NELFB: variants seen among roughly 807,000 people sequenced by gnomAD.
NELFB encodes negative elongation factor complex member B.
A neutral mutation model predicts 60.2 loss-of-function variants in NELFB; 34 were observed. The ratio of observed to expected loss-of-function variants is 0.56; its 90% CI spans 0.43 to 0.75. The LOEUF is 0.75. NELFB is among the 30% of genes least tolerant of loss of function. NELFB has a pLI of 0.00. For synonymous variants in NELFB, 459 were observed against 382.1 expected, an observed-to-expected ratio of 1.20 and a Z score of -2.35; for missense variants, 770 against 831.6, an observed-to-expected ratio of 0.93 and a Z score of 0.91.
chr9:137,259,289 A>T (rs1284227507), intron 4 of NELFB, among the ~76,000 whole-genome samples: 4 of 152,150 alleles, frequency 2.6e-5, no homozygotes, highest in African/African-American at 9.7e-5. Context: ...GCCCATCTGA[A>T]CTACTGCACT....
Position 137,255,899 on chromosome 9 carries a change from T to A in NELFB, c.247-8T>A. ...GGCTGCGTTTGAGGTTTCTCTTGGC[T>A]TCCTCAGACAGAGAATGGTGTGCTG... On this transcript the variant is annotated splice_region_variant and splice_polypyrimidine_tract_variant and intron_variant, in intron 1 of 12. Coordinates refer to ENST00000343053, the MANE Select transcript of NELFB (RefSeq NM_015456.5). The A allele has an allele frequency of 6.2e-7, 1 of 1,612,952 alleles. No individual in the cohort carries two copies. The highest frequency in any genetic ancestry group is 1.1e-5 in the South Asian group (1 of 91,072).
chr9:137,266,509 G>C, intron 8 of NELFB, 83 bp downstream of exon 8: 1 of 1,214,126 alleles, frequency 8.2e-7, no homozygotes. Flanking sequence ...GCGCTAGCAA[G>C]GTGATTGTGG....
chr9:137,261,859 T>C (rs1564443113), intron 4 of NELFB, among the ~76,000 whole-genome samples: 3 of 151,290 alleles, frequency 2.0e-5, no homozygotes, highest in East Asian at 2.0e-4. Flanking sequence ...TGCGCTGATA[T>C]TTATTGGATA....
intron 10 of NELFB, among the ~76,000 whole-genome samples, chr9:137,270,642 C>T (rs1830573436): frequency 6.6e-6 from 1 of 151,686 alleles, no homozygotes; most frequent in Non-Finnish European, 1.5e-5. Context: ...AAAAAACTGG[C>T]CAGGCATGGT....
Position 137,265,915 on chromosome 9 carries a change from A to G in NELFB, c.1079A>G (p.Asn360Ser). 3.7e-6 allele frequency: 6 copies of G among 1,613,234 alleles called. No individual in the cohort carries two copies. The highest frequency in any genetic ancestry group is 5.1e-6 in the Non-Finnish European group (6 of 1,179,936). Residue 360 changes from asparagine to serine, a missense_variant, in exon 7 of 13, where the codon AAC becomes AGC. Asn to Ser is a conservative substitution (Grantham distance 46). Transcript: ENST00000343053. The stretch of plus-strand genomic sequence containing the variant: ...ATCCTGTGTGACCCCTTCGCCATCA[A>G]CACGCTGGCACTGAGCACAGTCAGG...
At chr9:137,259,087 A>G (rs766951557) in intron 4 of NELFB, among the ~76,000 whole-genome samples, 3 of 152,210 alleles carry the variant, frequency 2.0e-5, no homozygotes, top group Admixed American at 6.5e-5. Context: ...ACTACTCAGG[A>G]GGCTGAAGCA....
intron 2 of NELFB, 68 bp downstream of exon 2, chr9:137,256,138 G>A (rs893092929): frequency 2.6e-6 from 4 of 1,533,204 alleles, no homozygotes; most frequent in East Asian, 2.3e-5. Context: ...TCGACTCAGG[G>A]GCATTTATTG....
At chr9:137,263,817 C>A (rs1830486247) in intron 5 of NELFB, among the ~76,000 whole-genome samples, 1 of 152,100 alleles carries the variant, frequency 6.6e-6, no homozygotes, top group Non-Finnish European at 1.5e-5. Flanking sequence ...TTCCACCTGG[C>A]CTGTGGCCCT....
intron 4 of NELFB, among the ~76,000 whole-genome samples, chr9:137,262,356 T>C (rs1008916981): frequency 4.6e-5 from 7 of 152,310 alleles, no homozygotes; most frequent in South Asian, 2.1e-4. Context: ...TCTTCCCAGA[T>C]GCTGGCGTCA....
In NELFB at chr9:137,256,807, C is replaced by T. The variant is rs373963174; in HGVS notation, c.511-17C>T. The T allele has an allele frequency of 3.1e-6, 5 of 1,612,096 alleles. No homozygotes were observed. Among genetic ancestry groups the T allele is most frequent in the Non-Finnish European group, 4.2e-6 (5 of 1,178,740 alleles). ...GGACACAGGTGCCACTCACAGGCAG[C>T]CTGTGGTGTCATGTAGGTTCCGGAG... is the stretch of plus-strand genomic sequence containing the variant. On this transcript the variant is annotated splice_polypyrimidine_tract_variant and intron_variant, in intron 3 of 12. Transcript: ENST00000343053.
chr9:137,256,737 C>T (rs1324468034), intron 3 of NELFB, 87 bp from the exon 4 acceptor site: 2 of 1,277,986 alleles, frequency 1.6e-6, no homozygotes, highest in Non-Finnish European at 2.2e-6. Context: ...TCGAGGTGGT[C>T]TCTGCGGGGC....
chr9:137,259,585 G>A (rs1012466536), intron 4 of NELFB, among the ~76,000 whole-genome samples: 1 of 152,120 alleles, frequency 6.6e-6, no homozygotes, highest in Non-Finnish European at 1.5e-5. Context: ...ACTGATTTCT[G>A]TCTGTAAGGG....
intron 4 of NELFB, among the ~76,000 whole-genome samples, chr9:137,262,547 C>T (rs181193128): frequency 2.0e-5 from 3 of 152,232 alleles, no homozygotes; most frequent in Non-Finnish European, 2.9e-5. Flanking sequence ...GTAATTGCTA[C>T]AAGCTAATGA....
chr9:137,271,765 CA>C (rs1830586672), intron 10 of NELFB, among the ~76,000 whole-genome samples: 1 of 151,884 alleles, frequency 6.6e-6, no homozygotes. Context: ...CTTCTTCCTC[CA>C]CCCTCCTCCT....
chr9:137,264,336 A>C lies in NELFB; in HGVS notation c.1019A>C (p.Lys340Thr), dbSNP rs1350829276. Residue 340 changes from lysine to threonine, a missense_variant, in exon 6 of 13, where the codon AAG (lysine) becomes ACG (threonine). Lys to Thr is a moderately conservative substitution (Grantham distance 78). Coordinates refer to ENST00000343053, the MANE Select transcript of NELFB (RefSeq NM_015456.5). ...CAGGGGTTTCTCGATGGCGTCAAGAAGGGCCAGGAGCAGGTGCTGGGGTGA... is the reference window on the plus strand; with the variant it reads ...CAGGGGTTTCTCGATGGCGTCAAGACGGGCCAGGAGCAGGTGCTGGGGTGA... The C allele has an allele frequency of 6.3e-7, 1 of 1,595,744 alleles. No homozygotes were observed. Among genetic ancestry groups the C allele is most frequent in the Non-Finnish European group, 8.5e-7 (1 of 1,172,818 alleles).
In NELFB at chr9:137,255,461, ACGG is replaced by A; in HGVS notation, c.97_99del (p.Arg33del). The A allele has an allele frequency of 6.9e-7, 1 of 1,453,998 alleles. No homozygotes were observed. The highest frequency in any genetic ancestry group is 9.1e-7 in the Non-Finnish European group (1 of 1,095,526). The allele number at this position is 1,453,998 out of a possible 1,614,324, so 90.1% of individuals were successfully genotyped here. On this transcript the variant is annotated inframe_deletion, in exon 1 of 13. Coordinates refer to ENST00000343053, the MANE Select transcript of NELFB (RefSeq NM_015456.5). ...GGGTGTCTGCGGCGGCGCCGGGGGA[ACGG>A]GCTGGGGATGGGGCGCCTAGCCGGG...
chr9:137,256,923 C>T lies in NELFB; in HGVS notation c.610C>T (p.Leu204Phe), dbSNP rs1426160988. 3.7e-6 allele frequency: 6 copies of T among 1,614,218 alleles called. No homozygotes were observed. The highest frequency in any genetic ancestry group is 5.1e-6 in the Non-Finnish European group (6 of 1,180,052). ...GCAGATCTGGCAAGACAACCAGGCCCTCTTCGGGGACGAGGTTTCCCCACT... is the reference window on the plus strand; with the variant it reads ...GCAGATCTGGCAAGACAACCAGGCCTTCTTCGGGGACGAGGTTTCCCCACT... The change falls in exon 4 of 13, where the codon CTC (leucine) becomes TTC (phenylalanine). Residue 204 changes from leucine (L) to phenylalanine (F), a missense_variant. Leu to Phe is a conservative substitution (Grantham distance 22). Coordinates refer to ENST00000343053, the MANE Select transcript of NELFB (RefSeq NM_015456.5).
At chr9:137,261,838 G>A (rs962942700) in intron 4 of NELFB, among the ~76,000 whole-genome samples, 16 of 151,826 alleles carry the variant, frequency 1.1e-4, no homozygotes, top group Admixed American at 2.6e-4. Flanking sequence ...TAGTGGCCCC[G>A]AATGTCAGGC....
In NELFB at chr9:137,263,081, G is replaced by A; in HGVS notation, c.786G>A (p.Leu262=). The change falls in exon 5 of 13, where the codon CTG becomes CTA. Residue 262 remains leucine (L), a synonymous_variant. Coordinates refer to ENST00000343053, the MANE Select transcript of NELFB (RefSeq NM_015456.5). The stretch of plus-strand genomic sequence containing the variant: ...GGATGGTGGGGAAGAACGTGAAGCT[G>A]TACGACATGGTGCTGCAGTTTCTGC... The A allele has an allele frequency of 3.1e-6, 5 of 1,614,014 alleles. No homozygotes were observed. Among genetic ancestry groups the A allele is most frequent in the Middle Eastern group, 1.6e-4 (1 of 6,062 alleles).
Sources: gnomAD v4.1 joint callset for allele counts (sites outside exome capture counted in the v4.1 genomes callset) on GRCh38, gnomAD v4.1.1 for gene constraint, MANE v1.5 for transcripts, NCBI Gene and HGNC (gene_info 2026-07-23, HGNC 2026-07-21) for gene names.